ABHD3: variants seen among roughly 807,000 people sequenced by gnomAD.
The protein encoded by ABHD3 is phospholipase ABHD3.
A neutral mutation model predicts 48.8 loss-of-function variants in ABHD3; 46 were observed. That is an observed-to-expected ratio of 0.94 (90% CI 0.74 to 1.20). The LOEUF (loss-of-function observed/expected upper bound fraction) is 1.20. Among genes scored for constraint, ABHD3 ranks in the 50% most tolerant of loss-of-function variants. The pLI, the probability that ABHD3 is intolerant of heterozygous loss-of-function variation, is 0.00. For missense variants in ABHD3, 490 were observed against 497.8 expected, an observed-to-expected ratio of 0.98 and a Z score of 0.15; for synonymous variants, 192 against 183.7, an observed-to-expected ratio of 1.04 and a Z score of -0.36.
intron 3 of ABHD3, among the ~76,000 whole-genome samples, chr18:21,698,058 T>C (rs1301865334): frequency 2.0e-5 from 3 of 152,138 alleles, no homozygotes; most frequent in Admixed American, 1.3e-4. Flanking sequence ...GGGATGTTCA[T>C]ACTGAAGATA....
At chr18:21,684,310 GCT>G (rs1491382140) in intron 3 of ABHD3, among the ~76,000 whole-genome samples, 1 of 101,562 alleles carries the variant, frequency 9.8e-6, no homozygotes, top group Non-Finnish European at 2.0e-5. Flanking sequence ...AAATGTTTTT[GCT>G]TTTTTTTTTT....
intron 4 of ABHD3, among the ~76,000 whole-genome samples, chr18:21,680,103 T>C (rs774329138): frequency 2.6e-5 from 4 of 152,210 alleles, no homozygotes; most frequent in Non-Finnish European, 5.9e-5. Context: ...AACCTCCACC[T>C]CCTGGGTTCA....
At chr18:21,698,465 G>T (rs2040436960) in intron 3 of ABHD3, among the ~76,000 whole-genome samples, 1 of 151,926 alleles carries the variant, frequency 6.6e-6, no homozygotes, top group Admixed American at 6.6e-5. Flanking sequence ...GGGATTACAG[G>T]CTTGAGCCAC....
chr18:21,700,100 A>T (rs899717241), intron 3 of ABHD3, among the ~76,000 whole-genome samples: 4 of 150,250 alleles, frequency 2.7e-5, no homozygotes, highest in African/African-American at 4.9e-5. Context: ...TTATTTATTT[A>T]TTTTTTTGAG....
rs192923080 is a variant in ABHD3 at position 21,697,975 on chromosome 18, T to C, written c.509+4341A>G. On this transcript the variant is annotated intron_variant, in intron 3 of 8. Transcript: ENST00000289119. The stretch of plus-strand genomic sequence containing the variant: ...TTCCCTGGTGACCTGACATAATTCA[T>C]GACTCTCCCTAAACCTTCAACCTTT... Among the ~76,000 whole-genome samples the C allele has an allele frequency of 5.3e-5, 8 of 152,204 alleles. No individual in the cohort carries two copies. In the Middle Eastern group the frequency reaches 0.01, roughly 194 times the overall value.
At chr18:21,683,207 G>T (rs1235269077) in intron 4 of ABHD3, among the ~76,000 whole-genome samples, 1 of 152,106 alleles carries the variant, frequency 6.6e-6, no homozygotes, top group South Asian at 2.1e-4. Context: ...TTAAAAAGCT[G>T]AAGAAAATTT....
chr18:21,703,769 G>A (rs756035597), intron 1 of ABHD3, 22 bp from the exon 2 acceptor site: 1 of 1,609,282 alleles, frequency 6.2e-7, no homozygotes, highest in Non-Finnish European at 8.5e-7. Flanking sequence ...AGCAGTATCA[G>A]AGAAGGGCCC....
chr18:21,675,258 G>A (rs2146306309), intron 4 of ABHD3, among the ~76,000 whole-genome samples: 1 of 144,472 alleles, frequency 6.9e-6, no homozygotes, highest in South Asian at 2.2e-4. Flanking sequence ...GTGGAATGAG[G>A]TGGGTTTTTT....
chr18:21,664,135 T>G lies in ABHD3; in HGVS notation c.651A>C (p.Ala217=). 5.0e-6 allele frequency: 8 copies of G among 1,611,088 alleles called. No individual in the cohort carries two copies. Among genetic ancestry groups the G allele is most frequent in the Non-Finnish European group, 6.8e-6 (8 of 1,179,462 alleles). ...SLYPSAPFLA[A]GVSMGGMLLL... is the part of the protein sequence containing the mutation. ...AACCTTACCCTCCCATTGAAACCCC[T>G]GCTGCCAGGAAAGGAGCAGAAGGGT... The change falls in exon 5 of 9, where the codon GCA becomes GCC. Residue 217 remains alanine (A), a synonymous_variant. Coordinates refer to ENST00000289119, the MANE Select transcript of ABHD3 (RefSeq NM_138340.5).
intron 4 of ABHD3, chr18:21,664,511 C>T (rs758868400): frequency 8.8e-5 from 24 of 273,210 alleles, no homozygotes; most frequent in Non-Finnish European, 1.5e-4. Flanking sequence ...TTCAATTAAA[C>T]AAAGTACCAT....
Position 21,691,771 on chromosome 18 carries a change from A to G in ABHD3, c.510-7806T>C, listed in dbSNP as rs201084518. 9.8e-4 allele frequency among the ~76,000 whole-genome samples: 150 copies of G among 152,338 alleles called. 1 individual carries two copies. In the Middle Eastern group the frequency reaches 0.027, roughly 28 times the overall value. On this transcript the variant is annotated intron_variant, in intron 3 of 8. Coordinates refer to ENST00000289119, the MANE Select transcript of ABHD3 (RefSeq NM_138340.5). ...GATAAAACTGAGTCCCAATGATATCACAGGTATGCATTATCATATTAAGCA... is the reference window on the plus strand; with the variant it reads ...GATAAAACTGAGTCCCAATGATATCGCAGGTATGCATTATCATATTAAGCA...
intron 4 of ABHD3, among the ~76,000 whole-genome samples, chr18:21,668,043 A>G (rs1286702979): frequency 2.6e-5 from 4 of 151,582 alleles, no homozygotes; most frequent in Non-Finnish European, 5.9e-5. Context: ...TCTACTAAAA[A>G]TACAAAAATT....
chr18:21,656,999 G>T lies in ABHD3; in HGVS notation c.919C>A (p.Arg307=). 6.2e-7 allele frequency: 1 copy of T among 1,613,922 alleles called. No homozygotes were observed. The highest frequency in any genetic ancestry group is 8.5e-7 in the Non-Finnish European group (1 of 1,179,986). ...KAKSIREFDK[R]FTSVMFGYQT... is the part of the protein sequence containing the mutation. ...TATCCAAACATGACTGAAGTGAATC[G>T]CTTATCAAACTCTCTGATGGATTTA... The change falls in exon 8 of 9, where the codon CGA becomes AGA. Residue 307 remains arginine, a synonymous_variant. Transcript: ENST00000289119.
intron 3 of ABHD3, among the ~76,000 whole-genome samples, chr18:21,697,116 C>A (rs2040389007): frequency 6.7e-6 from 1 of 149,292 alleles, no homozygotes; most frequent in African/African-American, 2.5e-5. Flanking sequence ...CACTCTGTCG[C>A]CCTGGCTGGA....
At chr18:21,703,803 A>T in intron 1 of ABHD3, 56 bp from the exon 2 acceptor site, 4 of 1,572,012 alleles carry the variant, frequency 2.5e-6, no homozygotes, top group Non-Finnish European at 3.5e-6. Context: ...TGCCAACCGT[A>T]AACCAGAAAC....
chr18:21,655,936 T>A (rs1012406851), intron 8 of ABHD3, among the ~76,000 whole-genome samples: 7 of 150,392 alleles, frequency 4.7e-5, no homozygotes, highest in Admixed American at 1.3e-4. Context: ...GCAGGCGAAT[T>A]ACCTGAGGTC....
At chr18:21,698,518 AGAT>A (rs544037509) in intron 3 of ABHD3, among the ~76,000 whole-genome samples, 207 of 151,622 alleles carry the variant, frequency 1.4e-3, no homozygotes, top group African/African-American at 4.9e-3. Context: ...GCCAGGGAAT[AGAT>A]GATGAGGGAA....
chr18:21,673,819 T>A (rs1356307258), intron 4 of ABHD3, among the ~76,000 whole-genome samples: 1 of 152,078 alleles, frequency 6.6e-6, no homozygotes, highest in Non-Finnish European at 1.5e-5. Context: ...TTGGCCAAGC[T>A]GGTCTCAAAC....
Position 21,651,319 on chromosome 18 carries a change from T to G in ABHD3, c.*272A>C, listed in dbSNP as rs1342117352. On this transcript the variant is annotated 3_prime_UTR_variant, in exon 9 of 9. Transcript: ENST00000289119. ...GTTTTACACAATAGTTTTGGTTAAG[T>G]GCAATTTCATGTACATACTACTTTG... 4.2e-6 allele frequency: 1 copy of G among 238,160 alleles called. No individual in the cohort carries two copies. Among genetic ancestry groups the G allele is most frequent in the Non-Finnish European group, 8.1e-6 (1 of 124,120 alleles). The allele number at this position is 238,160 out of a possible 1,614,324, so 14.8% of individuals were successfully genotyped here.
Sources: gnomAD v4.1 joint callset for allele counts (sites outside exome capture counted in the v4.1 genomes callset) on GRCh38, gnomAD v4.1.1 for gene constraint, MANE v1.5 for transcripts, NCBI Gene and HGNC (gene_info 2026-07-23, HGNC 2026-07-21) for gene names.